ACSS1: variants seen among roughly 807,000 people sequenced by gnomAD.
ACSS1 encodes acyl-CoA synthetase short chain family member 1, also known as acetyl-coenzyme A synthetase 2-like, mitochondrial.
ACSS1 carries 42 observed loss-of-function variants against 75.3 expected under a neutral mutation model. The observed-to-expected ratio is 0.56, with a 90% CI of 0.44 to 0.72. The LOEUF (loss-of-function observed/expected upper bound fraction) is 0.72, where lower values mean the gene tolerates loss of function less well. Ranked by LOEUF, ACSS1 falls within the 30% of genes least tolerant of loss-of-function variation. The pLI, the probability that ACSS1 is intolerant of heterozygous loss-of-function variation, is 0.00. For missense variants in ACSS1, 782 were observed against 935.7 expected (o/e 0.84, Z 2.14); for synonymous variants, 380 against 376.8 (o/e 1.01, Z -0.10).
In ACSS1 at chr20:25,007,163, T is replaced by G; in HGVS notation, c.*599A>C. 1 of 1,307,730 alleles carries G rather than the reference T, an allele frequency of 7.6e-7. No individual in the cohort carries two copies. Among genetic ancestry groups the G allele is most frequent in the Non-Finnish European group, 9.7e-7 (1 of 1,027,084 alleles). The allele number at this position is 1,307,730 out of a possible 1,614,324, so 81.0% of individuals were successfully genotyped here. On this transcript the variant is annotated 3_prime_UTR_variant, in exon 14 of 14. Coordinates refer to ENST00000323482, the MANE Select transcript of ACSS1 (RefSeq NM_032501.4). ...TAGACAGAGGTACAAACATCTCCAATTCAGACTTCCAAATACACTAACAAT... is the reference window on the plus strand; with the variant it reads ...TAGACAGAGGTACAAACATCTCCAAGTCAGACTTCCAAATACACTAACAAT...
intron 2 of ACSS1, among the ~76,000 whole-genome samples, chr20:25,037,544 A>G (rs914026802): frequency 3.3e-5 from 5 of 152,168 alleles, no homozygotes; most frequent in African/African-American, 1.2e-4. Context: ...AGGCTCAGTC[A>G]CTTCTCTCCA....
chr20:25,047,600 A>G (rs2089115978), intron 2 of ACSS1, among the ~76,000 whole-genome samples: 1 of 152,156 alleles, frequency 6.6e-6, no homozygotes, highest in Admixed American at 6.5e-5. Flanking sequence ...AGGAACTCAC[A>G]GTTTAGGGGC....
intron 1 of ACSS1, among the ~76,000 whole-genome samples, chr20:25,050,934 ACAGGTGGCCTGGGTCCAG>A (rs1731571453): frequency 6.6e-6 from 1 of 152,098 alleles, no homozygotes; most frequent in South Asian, 2.1e-4. Flanking sequence ...TCCAGGGCTG[ACAGGTGGCCTGGGTCCAG>A]CAGATCAGAA....
chr20:25,043,819 A>G (rs1311001889), intron 2 of ACSS1, among the ~76,000 whole-genome samples: 2 of 152,318 alleles, frequency 1.3e-5, no homozygotes, highest in East Asian at 1.9e-4. Context: ...TACTGGGGCC[A>G]TTGAATCCCT....
At chr20:25,043,901 T>G (rs183461769) in intron 2 of ACSS1, among the ~76,000 whole-genome samples, 1 of 152,338 alleles carries the variant, frequency 6.6e-6, no homozygotes, top group East Asian at 1.9e-4. Flanking sequence ...GAGCTAAAAC[T>G]TGGTCCTCTG....
chr20:25,008,255 T>C (rs1313467832), intron 13 of ACSS1, among the ~76,000 whole-genome samples: 1 of 152,214 alleles, frequency 6.6e-6, no homozygotes, highest in Non-Finnish European at 1.5e-5. Flanking sequence ...TGGCAGCAGA[T>C]CCAAGCACCC....
At position 25,022,319 on chromosome 20, in the gene ACSS1, C is replaced by A. The variant is rs533268713; in HGVS notation, c.960+621G>T. Among the ~76,000 whole-genome samples, 6 of 152,236 alleles carry A rather than the reference C, an allele frequency of 3.9e-5. No homozygotes were observed. The East Asian group carries it at 1.2e-3, about 29-fold the overall frequency. ...AAGGTTGCAGTGATCTGAGATCACACCACTGCACTCTAACCTGGACAACAG... is the reference window on the plus strand; with the variant it reads ...AAGGTTGCAGTGATCTGAGATCACAACACTGCACTCTAACCTGGACAACAG... On this transcript the variant is annotated intron_variant, in intron 5 of 13. Coordinates refer to ENST00000323482, the MANE Select transcript of ACSS1 (RefSeq NM_032501.4).
At chr20:25,022,843 C>T (rs2088647028) in intron 5 of ACSS1, 97 bp downstream of exon 5, 1 of 1,427,870 alleles carries the variant, frequency 7.0e-7, no homozygotes, top group African/African-American at 1.4e-5. Flanking sequence ...ACTGACCTCT[C>T]ACACCTACAG....
At chr20:25,022,449 T>C (rs1174852140) in intron 5 of ACSS1, among the ~76,000 whole-genome samples, 2 of 152,164 alleles carry the variant, frequency 1.3e-5, no homozygotes, top group Non-Finnish European at 2.9e-5. Flanking sequence ...CGGATGCTCA[T>C]ATGGGTCACA....
At position 25,024,434 on chromosome 20, in the gene ACSS1, C is replaced by A. The variant is rs112526470; in HGVS notation, c.632-793G>T. ...ACAGCTGCGGGGGGTTACTACACAGCCCCTCAGGAAGAGCCTGGGACAAAT... is the reference window on the plus strand; with the variant it reads ...ACAGCTGCGGGGGGTTACTACACAGACCCTCAGGAAGAGCCTGGGACAAAT... On this transcript the variant is annotated intron_variant, in intron 3 of 13. Transcript: ENST00000323482. 7.1e-3 allele frequency among the ~76,000 whole-genome samples: 1,078 copies of A among 152,292 alleles called. 8 individuals are homozygous for A. Among genetic ancestry groups the A allele is most frequent in the Non-Finnish European group, 0.012 (788 of 68,014 alleles).
chr20:25,028,758 A>G (rs2088772740), intron 3 of ACSS1, among the ~76,000 whole-genome samples: 1 of 152,212 alleles, frequency 6.6e-6, no homozygotes, highest in Non-Finnish European at 1.5e-5. Context: ...TGTTTCTACT[A>G]AAACTACAAA....
intron 1 of ACSS1, among the ~76,000 whole-genome samples, chr20:25,049,531 G>A (rs769355092): frequency 2.6e-5 from 4 of 152,290 alleles, no homozygotes; most frequent in South Asian, 2.1e-4. Flanking sequence ...AGATGCAAAC[G>A]TAAGAAACAT....
At position 25,009,388 on chromosome 20, in the gene ACSS1, G is replaced by T; in HGVS notation, c.1772C>A (p.Ala591Asp). 1.2e-6 allele frequency: 2 copies of T among 1,613,354 alleles called. No individual in the cohort carries two copies. The highest frequency in any genetic ancestry group is 1.7e-6 in the Non-Finnish European group (2 of 1,179,280). ...TTTCACCACAATGAAGGCAAAGGCA[G>T]CTGAAAATAAAGCCAAGTTTGGGGA... ...IGYPHDIKGE[A>D]AFAFIVVKDS... Residue 591 changes from alanine to aspartate, a missense_variant and splice_region_variant, in exon 13 of 14, where the codon GCT becomes GAT. Ala to Asp is a moderately radical substitution (Grantham distance 126). Coordinates refer to ENST00000323482, the MANE Select transcript of ACSS1 (RefSeq NM_032501.4).
chr20:25,017,098 C>A (rs2088531755), intron 7 of ACSS1, among the ~76,000 whole-genome samples: 1 of 151,762 alleles, frequency 6.6e-6, no homozygotes, highest in Non-Finnish European at 1.5e-5. Context: ...GCTCAAGGAT[C>A]CTCCCATCTC....
chr20:25,034,615 C>T (rs1178158051), intron 2 of ACSS1, among the ~76,000 whole-genome samples: 1 of 151,988 alleles, frequency 6.6e-6, no homozygotes, highest in Non-Finnish European at 1.5e-5. Context: ...GTTGCCCAGG[C>T]TGGAGTGCAA....
rs1191866447 is a variant in ACSS1, at chr20:25,048,093, G to C, written c.423C>G (p.Ile141Met). 1 of 1,613,652 alleles carries C rather than the reference G, an allele frequency of 6.2e-7. No homozygotes were observed. Among genetic ancestry groups the C allele is most frequent in the Non-Finnish European group, 8.5e-7 (1 of 1,179,928 alleles). Residue 141 changes from isoleucine to methionine, a missense_variant, in exon 2 of 14, where the codon ATC becomes ATG. Ile to Met is a conservative substitution (Grantham distance 10). Coordinates refer to ENST00000323482, the MANE Select transcript of ACSS1 (RefSeq NM_032501.4). Reference protein sequence around the residue: ...ERDEPGTEVRITYRELLETTC... With the variant: ...ERDEPGTEVRMTYRELLETTC... Reference sequence around the variant, plus strand: ...ATTCGAGGGCACAGTACCTGTAGGTGATCCTCACTTCCGTTCCAGGCTCAT... The same window carrying C: ...ATTCGAGGGCACAGTACCTGTAGGTCATCCTCACTTCCGTTCCAGGCTCAT...
In ACSS1 at chr20:25,007,567, G is replaced by C; in HGVS notation, c.*195C>G. On this transcript the variant is annotated 3_prime_UTR_variant, in exon 14 of 14. Coordinates refer to ENST00000323482, the MANE Select transcript of ACSS1 (RefSeq NM_032501.4). ...GCCATGTCGCATAGCCTCTCCATGGGTGACACTCCTGGGACCTCCAATGGA... is the reference window on the plus strand; with the variant it reads ...GCCATGTCGCATAGCCTCTCCATGGCTGACACTCCTGGGACCTCCAATGGA... The C allele has an allele frequency of 7.0e-7, 1 of 1,426,884 alleles. No homozygotes were observed. The highest frequency in any genetic ancestry group is 9.1e-7 in the Non-Finnish European group (1 of 1,094,286). The allele number at this position is 1,426,884 out of a possible 1,614,324, so 88.4% of individuals were successfully genotyped here.
At chr20:25,024,147 A>G (rs909131382) in intron 3 of ACSS1, among the ~76,000 whole-genome samples, 1 of 152,188 alleles carries the variant, frequency 6.6e-6, no homozygotes, top group African/African-American at 2.4e-5. Context: ...AGAGATCAGA[A>G]ACCACACCCC....
At chr20:25,042,224 C>T (rs753934311) in intron 2 of ACSS1, among the ~76,000 whole-genome samples, 1 of 152,148 alleles carries the variant, frequency 6.6e-6, no homozygotes, top group Non-Finnish European at 1.5e-5. Context: ...GCACAGGCAG[C>T]GTGCGTAGGA....
Sources: allele counts gnomAD v4.1 joint callset (sites outside exome capture counted in the v4.1 genomes callset), GRCh38; gene constraint gnomAD v4.1.1; transcripts MANE v1.5; gene names NCBI Gene and HGNC (gene_info 2026-07-23, HGNC 2026-07-21).